The following SGCD variants were observed in gnomAD, a reference collection of about 807,000 sequenced individuals.
SGCD encodes delta-sarcoglycan.
A neutral mutation model predicts 36.6 loss-of-function variants in SGCD; 18 were observed. The ratio of observed to expected loss-of-function variants is 0.49; its 90% CI spans 0.34 to 0.73. The LOEUF (loss-of-function observed/expected upper bound fraction) is 0.73. SGCD is among the 30% of genes least tolerant of loss of function. The pLI is 0.01. For missense variants in SGCD, 387 were observed against 346.7 expected (o/e 1.12, Z -0.92); for synonymous variants, 133 against 130.6 (o/e 1.02, Z -0.12).
chr5:156,428,094 A>G (rs1194336414), intron 3 of SGCD, among the ~76,000 whole-genome samples: 1 of 152,138 alleles, frequency 6.6e-6, no homozygotes, highest in African/African-American at 2.4e-5. Flanking sequence ...CTTGTGGAAT[A>G]CTGTCAATAG....
chr5:155,766,021 G>A, the SGCD span, among the ~76,000 whole-genome samples: 207 of 152,208 alleles, frequency 1.4e-3, no homozygotes, highest in African/African-American at 4.7e-3. Context: ...ATTTTAAAGG[G>A]ATCCTACCCA....
chr5:156,361,005 C>T (rs781330026), intron 3 of SGCD, among the ~76,000 whole-genome samples: 8 of 152,164 alleles, frequency 5.3e-5, no homozygotes, highest in Non-Finnish European at 7.3e-5. Flanking sequence ...TGCTAACACA[C>T]TGCCACCTGC....
chr5:156,752,090 A>G (rs1341483097), intron 7 of SGCD, among the ~76,000 whole-genome samples: 3 of 152,226 alleles, frequency 2.0e-5, no homozygotes, highest in Non-Finnish European at 2.9e-5. Flanking sequence ...AATGGAATAA[A>G]TTACAGCTAT....
At chr5:156,002,928 G>T (rs1758692222) in intron 1 of SGCD, among the ~76,000 whole-genome samples, 1 of 152,188 alleles carries the variant, frequency 6.6e-6, no homozygotes, top group Admixed American at 6.5e-5. Context: ...ATTCTCATAT[G>T]CTCCTTTTAG....
chr5:156,683,472 T>C (rs976442080), intron 7 of SGCD, among the ~76,000 whole-genome samples: 1 of 152,206 alleles, frequency 6.6e-6, no homozygotes, highest in Admixed American at 6.5e-5. Context: ...TCAGCCGACA[T>C]GGTTAATCCT....
At chr5:155,902,599 A>G (rs1756414629) in intron 1 of SGCD, among the ~76,000 whole-genome samples, 1 of 152,174 alleles carries the variant, frequency 6.6e-6, no homozygotes, top group Non-Finnish European at 1.5e-5. Flanking sequence ...GTGGTCCCCT[A>G]GTTATTCTGT....
At chr5:156,039,270 C>T (rs1172377717) in intron 1 of SGCD, among the ~76,000 whole-genome samples, 1 of 145,006 alleles carries the variant, frequency 6.9e-6, no homozygotes, top group African/African-American at 2.9e-5. Flanking sequence ...CTACAGCATA[C>T]TATTAATATA....
intron 3 of SGCD, among the ~76,000 whole-genome samples, chr5:156,422,973 G>A (rs969356740): frequency 1.3e-5 from 2 of 150,702 alleles, no homozygotes; most frequent in Admixed American, 6.7e-5. Flanking sequence ...CCAAGAAATC[G>A]GCAAGTTGTG....
At chr5:156,006,507 A>T (rs1481955287) in intron 1 of SGCD, among the ~76,000 whole-genome samples, 2 of 152,170 alleles carry the variant, frequency 1.3e-5, no homozygotes, top group African/African-American at 4.8e-5. Context: ...AAACTGCAAC[A>T]CGTTACTGAG....
chr5:156,537,885 C>T (rs1210326465), intron 4 of SGCD, among the ~76,000 whole-genome samples: 3 of 151,976 alleles, frequency 2.0e-5, no homozygotes, highest in Non-Finnish European at 4.4e-5. Context: ...CTTCTGCTTT[C>T]CCTTCTTCTG....
At chr5:156,174,975 G>C (rs1165927075) in intron 3 of SGCD, among the ~76,000 whole-genome samples, 1 of 152,104 alleles carries the variant, frequency 6.6e-6, no homozygotes, top group Non-Finnish European at 1.5e-5. Context: ...TTAAAAAAAA[G>C]ATCAAAATGT....
the SGCD span, among the ~76,000 whole-genome samples, chr5:155,820,319 AG>A: frequency 2.0e-5 from 3 of 152,262 alleles, no homozygotes; most frequent in Non-Finnish European, 2.9e-5. Context: ...TTGGAAAGAA[AG>A]GTCTTGTCTT....
intron 1 of SGCD, among the ~76,000 whole-genome samples, chr5:156,017,074 GC>G (rs1316332375): frequency 1.3e-5 from 2 of 152,098 alleles, no homozygotes; most frequent in African/African-American, 4.8e-5. Context: ...AAATCATTAT[GC>G]TTTTGAATGT....
At chr5:156,683,552 C>T (rs1753797099) in intron 7 of SGCD, among the ~76,000 whole-genome samples, 1 of 152,234 alleles carries the variant, frequency 6.6e-6, no homozygotes, top group Non-Finnish European at 1.5e-5. Flanking sequence ...TTCTATTTCT[C>T]TGGCCTGACA....
At chr5:156,610,401 G>C (rs902047518) in intron 6 of SGCD, among the ~76,000 whole-genome samples, 1 of 152,166 alleles carries the variant, frequency 6.6e-6, no homozygotes, top group Non-Finnish European at 1.5e-5. Flanking sequence ...CATTCCTCTG[G>C]ATCTTTTGTC....
chr5:156,626,517 T>C (rs918015791), intron 6 of SGCD, among the ~76,000 whole-genome samples: 8 of 152,094 alleles, frequency 5.3e-5, no homozygotes, highest in African/African-American at 1.7e-4. Flanking sequence ...TGCATAGAGG[T>C]TTGAATCTCT....
At chr5:156,193,065 T>C (rs552631386) in intron 3 of SGCD, among the ~76,000 whole-genome samples, 44 of 152,188 alleles carry the variant, frequency 2.9e-4, no homozygotes, top group African/African-American at 1.0e-3. Context: ...CCACTTAAAA[T>C]TGTGAAGATC....
rs189097429 is a variant in SGCD, at chr5:156,640,504, G to A, written c.503-6960G>A. Among the ~76,000 whole-genome samples the A allele has an allele frequency of 1.2e-4, 17 of 136,188 alleles. No individual in the cohort carries two copies. In the East Asian group the frequency reaches 3.1e-3, roughly 25 times the overall value. The allele number at this position is 136,188 out of a possible 152,430, so 89.3% of individuals were successfully genotyped here. On this transcript the variant is annotated intron_variant, in intron 6 of 8. Transcript: ENST00000337851. ...GTTGCTACAATAAAACTTATTAAGA[G>A]CAAAGATTATCTTCTTACTGAACAT...
At chr5:156,178,282 A>G (rs1293381952) in intron 3 of SGCD, among the ~76,000 whole-genome samples, 1 of 152,146 alleles carries the variant, frequency 6.6e-6, no homozygotes, top group Non-Finnish European at 1.5e-5. Context: ...ACTGAATCGT[A>G]ACTAAAGAGA....
Sources: gnomAD v4.1 joint callset for allele counts (sites outside exome capture counted in the v4.1 genomes callset) on GRCh38, gnomAD v4.1.1 for gene constraint, MANE v1.5 for transcripts, NCBI Gene and HGNC (gene_info 2026-07-23, HGNC 2026-07-21) for gene names.